Variants in ADAMTS12 observed in about 807,000 individuals in gnomAD.
The protein encoded by ADAMTS12 is ADAM metallopeptidase with thrombospondin type 1 motif 12, also known as A disintegrin and metalloproteinase with thrombospondin motifs 12.
In ADAMTS12, 118 loss-of-function variants were observed where a neutral mutation model predicts 167.8. The ratio of observed to expected loss-of-function variants is 0.70; its 90% CI spans 0.61 to 0.82. The LOEUF is 0.82. Ranked by LOEUF, ADAMTS12 falls within the 40% of genes least tolerant of loss-of-function variation. ADAMTS12 has a pLI of 0.00. For missense variants in ADAMTS12, 1,916 were observed against 1,998.8 expected, an observed-to-expected ratio of 0.96 and a Z score of 0.79; for synonymous variants, 704 against 716.9, an observed-to-expected ratio of 0.98 and a Z score of 0.29.
chr5:33,626,006 T>C (rs55847630), intron 13 of ADAMTS12, among the ~76,000 whole-genome samples: 75,773 of 152,084 alleles, frequency 0.5, 19,040 homozygotes, highest in East Asian at 0.63. Flanking sequence ...TCAGAGGTGG[T>C]TCCACTGCTG....
intron 2 of ADAMTS12, among the ~76,000 whole-genome samples, chr5:33,798,338 T>A (rs1746857266): frequency 6.6e-6 from 1 of 151,878 alleles, no homozygotes; most frequent in Admixed American, 6.6e-5. Flanking sequence ...GCAGGCTTGG[T>A]TTCTCCCAAG....
intron 2 of ADAMTS12, among the ~76,000 whole-genome samples, chr5:33,835,552 G>A (rs1023328859): frequency 6.6e-6 from 1 of 152,204 alleles, no homozygotes; most frequent in Non-Finnish European, 1.5e-5. Flanking sequence ...CTGTCTCCTA[G>A]TTCATAGGTG....
chr5:33,636,143 C>T (rs547942219), intron 12 of ADAMTS12, among the ~76,000 whole-genome samples: 5 of 152,300 alleles, frequency 3.3e-5, no homozygotes, highest in South Asian at 2.1e-4. Context: ...AGTCCAGCTA[C>T]TTGAGCCATC....
chr5:33,676,784 T>G (rs1249625900), intron 5 of ADAMTS12, among the ~76,000 whole-genome samples: 1 of 151,592 alleles, frequency 6.6e-6, no homozygotes, highest in Non-Finnish European at 1.5e-5. Context: ...GAAAGAACAA[T>G]ACAGACCCAC....
At chr5:33,578,702 A>G (rs921702074) in intron 18 of ADAMTS12, among the ~76,000 whole-genome samples, 1 of 152,234 alleles carries the variant, frequency 6.6e-6, no homozygotes, top group African/African-American at 2.4e-5. Flanking sequence ...GGAACATAAT[A>G]TTGACATAGA....
chr5:33,679,661 C>T (rs10072189), intron 5 of ADAMTS12, among the ~76,000 whole-genome samples: 8,027 of 152,240 alleles, frequency 0.053, 440 homozygotes, highest in East Asian at 0.17. Context: ...CCCAGTACTT[C>T]TATACTCATG....
chr5:33,842,490 A>T (rs1240220438), intron 2 of ADAMTS12, among the ~76,000 whole-genome samples: 7 of 152,270 alleles, frequency 4.6e-5, no homozygotes, highest in Admixed American at 4.6e-4. Context: ...TCCTCATAGC[A>T]TAAAAGCTTT....
chr5:33,766,586 G>A (rs1212522075), intron 2 of ADAMTS12, among the ~76,000 whole-genome samples: 1 of 151,998 alleles, frequency 6.6e-6, no homozygotes, highest in Non-Finnish European at 1.5e-5. Context: ...TAACAGCAGG[G>A]GAACTGGATG....
At chr5:33,537,685 G>A (rs1744485163) in intron 22 of ADAMTS12, among the ~76,000 whole-genome samples, 1 of 152,208 alleles carries the variant, frequency 6.6e-6, no homozygotes, top group Admixed American at 6.5e-5. Context: ...ACACAGCTAA[G>A]TGAATTCGGT....
At chr5:33,834,245 G>A (rs1748421483) in intron 2 of ADAMTS12, among the ~76,000 whole-genome samples, 1 of 152,104 alleles carries the variant, frequency 6.6e-6, no homozygotes, top group Non-Finnish European at 1.5e-5. Flanking sequence ...TGGAGGTTAG[G>A]ACTTCAACAT....
intron 2 of ADAMTS12, among the ~76,000 whole-genome samples, chr5:33,862,950 T>G (rs1174999554): frequency 6.6e-6 from 1 of 152,124 alleles, no homozygotes; most frequent in African/African-American, 2.4e-5. Context: ...ACCACATGAT[T>G]ATCTCAATAG....
intron 5 of ADAMTS12, among the ~76,000 whole-genome samples, chr5:33,678,021 A>AT (rs1327932880): frequency 3.3e-5 from 5 of 152,172 alleles, no homozygotes; most frequent in Non-Finnish European, 7.4e-5. Flanking sequence ...AAAGCCCCAA[A>AT]TGGTGTTACC....
At chr5:33,619,544 T>C (rs1469397131) in intron 14 of ADAMTS12, among the ~76,000 whole-genome samples, 14 of 152,154 alleles carry the variant, frequency 9.2e-5, no homozygotes, top group Admixed American at 9.2e-4. Flanking sequence ...TTGACACTTT[T>C]AAAACCAAAC....
At chr5:33,780,732 G>A (rs575384784) in intron 2 of ADAMTS12, among the ~76,000 whole-genome samples, 1 of 152,266 alleles carries the variant, frequency 6.6e-6, no homozygotes, top group Admixed American at 6.5e-5. Flanking sequence ...TAAGACAAGA[G>A]CAGCCAACCT....
intron 2 of ADAMTS12, among the ~76,000 whole-genome samples, chr5:33,847,305 C>A (rs1329728144): frequency 6.6e-6 from 1 of 152,304 alleles, no homozygotes; most frequent in East Asian, 1.9e-4. Context: ...CACATGTTCA[C>A]TGCCCACAGG....
chr5:33,548,903 C>T (rs757259267), intron 21 of ADAMTS12, among the ~76,000 whole-genome samples: 2 of 152,304 alleles, frequency 1.3e-5, no homozygotes, highest in Admixed American at 1.3e-4. Context: ...CATCCCATTG[C>T]GTTCATTTTC....
chr5:33,637,728 T>C lies in ADAMTS12; in HGVS notation c.1737A>G (p.Lys579=). Residue 579 remains lysine, a synonymous_variant, in exon 12 of 24, where the codon AAA becomes AAG. Coordinates refer to ENST00000504830, the MANE Select transcript of ADAMTS12 (RefSeq NM_030955.4). ...CNNPEPKFGG[K]YCTGERKRYR... ...AGCGTTTTCTTTCTCCAGTGCAATA[T>C]TTCCCTCCAAACTTTGGCCTGCAAA... 6.2e-7 allele frequency: 1 copy of C among 1,613,180 alleles called. No individual in the cohort carries two copies. Among genetic ancestry groups the C allele is most frequent in the Non-Finnish European group, 8.5e-7 (1 of 1,179,426 alleles).
chr5:33,562,358 G>A (rs913899427), intron 19 of ADAMTS12, among the ~76,000 whole-genome samples: 1 of 152,024 alleles, frequency 6.6e-6, no homozygotes, highest in South Asian at 2.1e-4. Flanking sequence ...CAGGTTTAGC[G>A]GGGGGTCACT....
intron 13 of ADAMTS12, among the ~76,000 whole-genome samples, chr5:33,629,405 A>G (rs1156228828): frequency 6.6e-6 from 1 of 152,214 alleles, no homozygotes; most frequent in African/African-American, 2.4e-5. Context: ...GAGTTTACAA[A>G]TCTGTTTTCT....
Sources: gnomAD v4.1 joint callset for allele counts (sites outside exome capture counted in the v4.1 genomes callset) on GRCh38, gnomAD v4.1.1 for gene constraint, MANE v1.5 for transcripts, NCBI Gene and HGNC (gene_info 2026-07-23, HGNC 2026-07-21) for gene names.